PAOX: variants seen among roughly 807,000 people sequenced by gnomAD.
The protein encoded by PAOX is polyamine oxidase.
Under a neutral mutation model 39.0 loss-of-function variants are expected in PAOX, and 38 were observed. That is an observed-to-expected ratio of 0.97 (90% CI 0.75 to 1.28). The LOEUF is 1.28. Ranked by LOEUF, PAOX falls within the 50% of genes most tolerant of loss-of-function variation. The pLI, the probability that PAOX is intolerant of heterozygous loss-of-function variation, is 0.00. For missense variants in PAOX, 667 were observed against 685.7 expected (o/e 0.97, Z 0.30); for synonymous variants, 311 against 314.4 (o/e 0.99, Z 0.11).
In PAOX at chr10:133,380,084, G is replaced by T; in HGVS notation, c.267G>T (p.Leu89=). The change falls in exon 2 of 7, where the codon CTG becomes CTT. Residue 89 remains leucine, a synonymous_variant. Coordinates refer to ENST00000278060, the MANE Select transcript of PAOX (RefSeq NM_152911.4). ...PVFQLAAEYG[L]LGEKELSQEN... is the part of the protein sequence containing the mutation. ...TCCAGCTGGCTGCTGAGTACGGGCTGCTGGGGGAGAAGGAGCTGTCCCAGG... is the reference window on the plus strand; with the variant it reads ...TCCAGCTGGCTGCTGAGTACGGGCTTCTGGGGGAGAAGGAGCTGTCCCAGG... 6.4e-7 allele frequency: 1 copy of T among 1,550,474 alleles called. No homozygotes were observed. The highest frequency in any genetic ancestry group is 2.3e-5 in the East Asian group (1 of 44,408).
intron 6 of PAOX, 88 bp downstream of exon 6, chr10:133,389,835 C>T (rs927338063): frequency 1.4e-5 from 19 of 1,325,176 alleles, no homozygotes; most frequent in South Asian, 3.8e-5. Context: ...CAGCCAGTGG[C>T]GGGTGGGCTG....
rs566957096 is a variant in PAOX at position 133,383,300 on chromosome 10, G to T, written c.869-660G>T. ...TTCTATTTCATGCAGTTTTACATGT[G>T]CACTTAAAAACACTTGTGTTGGCCA... On this transcript the variant is annotated intron_variant, in intron 3 of 6. Transcript: ENST00000278060. Among the ~76,000 whole-genome samples, 5 of 152,248 alleles carry T rather than the reference G, an allele frequency of 3.3e-5. No homozygotes were observed. The East Asian group carries it at 9.7e-4, about 29-fold the overall frequency.
intron 4 of PAOX, among the ~76,000 whole-genome samples, chr10:133,385,978 T>A (rs944956385): frequency 3.9e-4 from 60 of 152,222 alleles, no homozygotes; most frequent in African/African-American, 1.4e-3. Context: ...TTTCTTAAAA[T>A]TTAATGAAGG....
At chr10:133,380,699 G>C (rs1350007359) in intron 2 of PAOX, among the ~76,000 whole-genome samples, 1 of 152,252 alleles carries the variant, frequency 6.6e-6, no homozygotes, top group African/African-American at 2.4e-5. Flanking sequence ...GAAAGGTAAG[G>C]CTGAGTGCGG....
chr10:133,385,790 A>G (rs1465348475), intron 4 of PAOX, among the ~76,000 whole-genome samples: 1 of 151,922 alleles, frequency 6.6e-6, no homozygotes, highest in Non-Finnish European at 1.5e-5. Flanking sequence ...TCACCGTGTT[A>G]GCCAGGATGG....
chr10:133,391,271 C>G (rs778831206), intron 6 of PAOX, 41 bp from the exon 7 acceptor site: 1 of 1,591,002 alleles, frequency 6.3e-7, no homozygotes, highest in Non-Finnish European at 8.6e-7. Context: ...ACCCTGCTGT[C>G]TGAATTGCAT....
intron 3 of PAOX, among the ~76,000 whole-genome samples, chr10:133,383,432 A>G (rs1051094317): frequency 3.3e-5 from 5 of 151,888 alleles, no homozygotes; most frequent in Non-Finnish European, 7.4e-5. Flanking sequence ...GCAAGACCCC[A>G]TCTCTACTAA....
chr10:133,385,819 G>A lies in PAOX; in HGVS notation c.1121+1607G>A, dbSNP rs527372774. ...AGGATGGTCTCGATCTCCTGACCTC[G>A]TGATCCGCCCGCCTCGGCCTCCCAA... On this transcript the variant is annotated intron_variant, in intron 4 of 6. Transcript: ENST00000278060. Among the ~76,000 whole-genome samples the A allele has an allele frequency of 9.9e-5, 15 of 151,926 alleles. No homozygotes were observed. In the South Asian group the frequency reaches 2.5e-3, roughly 25 times the overall value.
In PAOX at chr10:133,384,153, T is replaced by C. The variant is rs761449126; in HGVS notation, c.1062T>C (p.Pro354=). The change falls in exon 4 of 7, where the codon CCT becomes CCC. Residue 354 remains proline, a synonymous_variant. Transcript: ENST00000278060. The surrounding 1 kb of genome is among the most constrained non-coding windows in gnomAD (Gnocchi z 4.3). ...EDTSPLEDAA[P]ELQDAWFRKL... ...CGTCGCCCCTGGAGGATGCTGCCCC[T>C]GAGCTACAGGACGCCTGGTTCCGGA... The C allele has an allele frequency of 6.2e-7, 1 of 1,614,034 alleles. No homozygotes were observed. The highest frequency in any genetic ancestry group is 8.5e-7 in the Non-Finnish European group (1 of 1,179,892).
chr10:133,384,165 C>T lies in PAOX; in HGVS notation c.1074C>T (p.Asp358=), dbSNP rs948949284. The T allele has an allele frequency of 6.2e-6, 10 of 1,614,026 alleles. No homozygotes were observed. Among genetic ancestry groups the T allele is most frequent in the South Asian group, 1.1e-5 (1 of 91,084 alleles). The change falls in exon 4 of 7, where the codon GAC becomes GAT. Residue 358 remains aspartate (D), a synonymous_variant. Coordinates refer to ENST00000278060, the MANE Select transcript of PAOX (RefSeq NM_152911.4). The surrounding 1 kb of genome is among the most constrained non-coding windows in gnomAD (Gnocchi z 4.3). ...PLEDAAPELQ[D]AWFRKLIGFV... is the part of the protein sequence containing the mutation. ...AGGATGCTGCCCCTGAGCTACAGGA[C>T]GCCTGGTTCCGGAAGCTCATTGGCT...
chr10:133,381,845 G>A (rs1849392890), intron 3 of PAOX, among the ~76,000 whole-genome samples, 186 bp downstream of exon 3: 2 of 152,176 alleles, frequency 1.3e-5, no homozygotes, highest in Admixed American at 6.5e-5. Flanking sequence ...GGAATTAAGG[G>A]TTTCACCGTA....
At chr10:133,390,998 G>A (rs1347135024) in intron 6 of PAOX, 4 of 699,700 alleles carry the variant, frequency 5.7e-6, no homozygotes, top group Admixed American at 2.0e-5. Flanking sequence ...TGGTGGATGC[G>A]TGTGAGCCGT....
In PAOX at chr10:133,388,879, C is replaced by T. The variant is rs905125800; in HGVS notation, c.1122-77C>T. 2.1e-4 allele frequency: 144 copies of T among 681,070 alleles called. 2 individuals carry two copies. Among genetic ancestry groups the T allele is most frequent in the South Asian group, 2.1e-3 (124 of 58,676 alleles). 42.2% of individuals were successfully genotyped at this position (681,070 alleles called of 1,614,324 possible). Reference sequence around the variant, plus strand: ...TGGTCATCCCAGGGCTCTCTTTCTCCATGCAGGTCTGGTCATCCCAGGGCT... The same window carrying T: ...TGGTCATCCCAGGGCTCTCTTTCTCTATGCAGGTCTGGTCATCCCAGGGCT... On this transcript the variant is annotated intron_variant, in intron 4 of 6. Coordinates refer to ENST00000278060, the MANE Select transcript of PAOX (RefSeq NM_152911.4).
chr10:133,388,710 G>A (rs368852391), intron 4 of PAOX, among the ~76,000 whole-genome samples: 3 of 152,338 alleles, frequency 2.0e-5, no homozygotes, highest in African/African-American at 7.2e-5. Flanking sequence ...CACACTCTGC[G>A]AACTGCTGCC....
Position 133,391,490 on chromosome 10 carries a change from G to T in PAOX, c.*35G>T. On this transcript the variant is annotated 3_prime_UTR_variant, in exon 7 of 7. Transcript: ENST00000278060. ...GCCTACTCTGTTCCACCCGTGTCGG[G>T]GGTAGGCTGGGACCCTCATTTCTTC... The T allele has an allele frequency of 6.4e-7, 1 of 1,573,970 alleles. No homozygotes were observed. Among genetic ancestry groups the T allele is most frequent in the Non-Finnish European group, 8.6e-7 (1 of 1,160,586 alleles).
At position 133,384,078 on chromosome 10, in the gene PAOX, G is replaced by T. The variant is rs367664206; in HGVS notation, c.987G>T (p.Glu329Asp). The stretch of plus-strand genomic sequence containing the variant: ...ACAAAATCTTCCTGGAGTTTGAGGA[G>T]CCCTTCTGGGAGCCAGACTGCCAGC... ...TNNKIFLEFEEPFWEPDCQLI... is the reference protein window; with the variant it reads ...TNNKIFLEFEDPFWEPDCQLI... The change falls in exon 4 of 7, where the codon GAG (glutamate) becomes GAT (aspartate). Residue 329 changes from glutamate (E) to aspartate (D), a missense_variant. By Grantham distance (45) the Glu-to-Asp change is conservative. Transcript: ENST00000278060. This position sits in a 1 kb window ranked among gnomAD's most constrained non-coding sequence, Gnocchi z 4.3. 356 of 1,614,062 alleles carry T rather than the reference G, an allele frequency of 2.2e-4. No individual in the cohort carries two copies. Among genetic ancestry groups the T allele is most frequent in the Middle Eastern group, 8.2e-4 (5 of 6,084 alleles).
intron 2 of PAOX, 137 bp from the exon 3 acceptor site, chr10:133,381,323 C>G: frequency 1.4e-6 from 1 of 723,800 alleles, no homozygotes; most frequent in South Asian, 1.8e-5. Flanking sequence ...TGGAGCTGAC[C>G]TCCTTGCTGG....
At position 133,379,516 on chromosome 10, in the gene PAOX, G is replaced by GCCCCTCCCGGAA. The variant is rs1564809108; in HGVS notation, c.181+23_181+34dup. On this transcript the variant is annotated intron_variant, in intron 1 of 6. Coordinates refer to ENST00000278060, the MANE Select transcript of PAOX (RefSeq NM_152911.4). ...TGCTTCGGTAACCGCCCCTCCCGGA[G>GCCCCTCCCGGAA]CCCCTCCCGGAACCCAACCGGCTGC... 2 of 1,225,560 alleles carry GCCCCTCCCGGAA rather than the reference G, an allele frequency of 1.6e-6. No individual in the cohort carries two copies. The highest frequency in any genetic ancestry group is 4.2e-5 in the South Asian group (1 of 24,016). The allele number at this position is 1,225,560 out of a possible 1,614,324, so 75.9% of individuals were successfully genotyped here. A position where few individuals can be genotyped will look rare whatever the true frequency, so the allele number is the denominator to read the frequency against.
chr10:133,390,410 CCA>C (rs59249557), intron 6 of PAOX, among the ~76,000 whole-genome samples: 61,206 of 144,980 alleles, frequency 0.42, 14,211 homozygotes, highest in South Asian at 0.54. Context: ...GAGTCGGTCT[CCA>C]CACACACACA....
Sources: gnomAD v4.1 joint callset for allele counts (sites outside exome capture counted in the v4.1 genomes callset) on GRCh38, gnomAD v4.1.1 for gene constraint, Gnocchi (gnomAD v3.1) non-coding constraint, MANE v1.5 for transcripts, NCBI Gene and HGNC (gene_info 2026-07-23, HGNC 2026-07-21) for gene names.